Variants in CCDC88A observed in about 807,000 individuals in gnomAD.
CCDC88A encodes girdin.
In CCDC88A, 54 loss-of-function variants were observed where a neutral mutation model predicts 234.3. That is an observed-to-expected ratio of 0.23 (90% confidence interval 0.19 to 0.29). The LOEUF is 0.29. Among genes scored for constraint, CCDC88A ranks in the 10% least tolerant of loss-of-function variants. CCDC88A has a pLI of 1.00. For missense variants in CCDC88A, 1,832 were observed against 2,123.4 expected (o/e 0.86, Z 2.70); for synonymous variants, 753 against 737.8 (o/e 1.02, Z -0.33).
intron 7 of CCDC88A, among the ~76,000 whole-genome samples, chr2:55,358,025 CT>C (rs1404027905): frequency 3.3e-5 from 5 of 152,292 alleles, no homozygotes; most frequent in African/African-American, 9.6e-5. Flanking sequence ...CTCCTCCCCG[CT>C]TTTACTCAGT....
intron 2 of CCDC88A, among the ~76,000 whole-genome samples, chr2:55,416,279 T>A (rs1371186747): frequency 6.7e-6 from 1 of 149,792 alleles, no homozygotes; most frequent in Non-Finnish European, 1.5e-5. Context: ...GAAGAAAAAA[T>A]TAATAAATTT....
chr2:55,417,574 A>G (rs1395299110), intron 2 of CCDC88A: 2 of 152,026 alleles, frequency 1.3e-5, no homozygotes, highest in East Asian at 1.9e-4. Context: ...ATAAATATAT[A>G]CATATTTAGA....
intron 2 of CCDC88A, among the ~76,000 whole-genome samples, chr2:55,412,542 G>C (rs1181941357): frequency 6.6e-6 from 1 of 152,132 alleles, no homozygotes; most frequent in Non-Finnish European, 1.5e-5. Context: ...GTAGATGCGA[G>C]GGATCTAGGT....
Position 55,374,903 on chromosome 2 carries a change from AC to A in CCDC88A, c.274-21del, listed in dbSNP as rs1426998314. 6.6e-7 allele frequency: 1 copy of A among 1,510,884 alleles called. No individual in the cohort carries two copies. Among genetic ancestry groups the A allele is most frequent in the South Asian group, 1.1e-5 (1 of 87,746 alleles). 93.6% of individuals were successfully genotyped at this position (1,510,884 alleles called of 1,614,324 possible). A position where few individuals can be genotyped will look rare whatever the true frequency, so the allele number is the denominator to read the frequency against. On this transcript the variant is annotated intron_variant, in intron 3 of 32. Coordinates refer to ENST00000436346, the MANE Select transcript of CCDC88A (RefSeq NM_001365480.1). ...AGTCTCCTGTAAAAAAATATCCAAC[AC>A]TTGTTATATGGGTAATGCTAACTAG...
At chr2:55,291,604 T>A in intron 32 of CCDC88A, 72 bp downstream of exon 32, 1 of 620,714 alleles carries the variant, frequency 1.6e-6, no homozygotes, top group Non-Finnish European at 2.8e-6. Context: ...AATGTGCACT[T>A]GTTTCACACT....
At chr2:55,352,451 CAAAAAAACAA>C (rs1558724453) in intron 8 of CCDC88A, among the ~76,000 whole-genome samples, 1 of 150,068 alleles carries the variant, frequency 6.7e-6, no homozygotes, top group African/African-American at 2.5e-5. Flanking sequence ...CAAAAAAACA[CAAAAAAACAA>C]GAAATTGGTG....
chr2:55,327,422 T>C (rs1416825010), intron 17 of CCDC88A, among the ~76,000 whole-genome samples: 1 of 152,138 alleles, frequency 6.6e-6, no homozygotes, highest in Non-Finnish European at 1.5e-5. Flanking sequence ...CTGCTATGAG[T>C]ATACGGATTC....
chr2:55,342,957 C>T (rs1558704781), intron 12 of CCDC88A, among the ~76,000 whole-genome samples: 1 of 152,012 alleles, frequency 6.6e-6, no homozygotes, highest in Non-Finnish European at 1.5e-5. Flanking sequence ...TAAATGTGAC[C>T]TAACTGGTGA....
intron 3 of CCDC88A, among the ~76,000 whole-genome samples, chr2:55,380,016 G>C (rs904956303): frequency 7.2e-6 from 1 of 138,468 alleles, no homozygotes; most frequent in Non-Finnish European, 1.5e-5. Flanking sequence ...TTGAGGCCAG[G>C]AGTTCGAGAC....
chr2:55,337,795 G>T (rs1008535196), intron 13 of CCDC88A: 3 of 151,990 alleles, frequency 2.0e-5, no homozygotes, highest in Non-Finnish European at 4.4e-5. Flanking sequence ...AGCTGAGATC[G>T]CACCACTGCA....
At chr2:55,377,857 T>C (rs1416806589) in intron 3 of CCDC88A, among the ~76,000 whole-genome samples, 2 of 152,050 alleles carry the variant, frequency 1.3e-5, no homozygotes, top group Non-Finnish European at 2.9e-5. Context: ...CCGCCTGCCT[T>C]GGCCTCCCAA....
At chr2:55,411,134 T>A (rs886216914) in intron 2 of CCDC88A, among the ~76,000 whole-genome samples, 1 of 152,132 alleles carries the variant, frequency 6.6e-6, no homozygotes, top group Non-Finnish European at 1.5e-5. Flanking sequence ...GATGTCCCAG[T>A]ACCAAGTATA....
rs746079795 is a variant in CCDC88A at position 55,374,889 on chromosome 2, A to C, written c.274-6T>G. The C allele has an allele frequency of 1.3e-6, 2 of 1,589,996 alleles. No homozygotes were observed. The highest frequency in any genetic ancestry group is 2.2e-5 in the South Asian group (2 of 89,640). Reference sequence around the variant, plus strand: ...ATCAATTGCTGCAAAGTCTCCTGTAAAAAAATATCCAACACTTGTTATATG... The same window carrying C: ...ATCAATTGCTGCAAAGTCTCCTGTACAAAAATATCCAACACTTGTTATATG... On this transcript the variant is annotated splice_region_variant and splice_polypyrimidine_tract_variant and intron_variant, in intron 3 of 32. Coordinates refer to ENST00000436346, the MANE Select transcript of CCDC88A (RefSeq NM_001365480.1).
chr2:55,419,055 G>C lies in CCDC88A; in HGVS notation c.25C>G (p.Leu9Val), dbSNP rs1346096967. MENEIFTP[L>V]LEQFMTSPLV... ...GGGCTGGTCATGAACTGCTCCAGAAGGGGAGTAAAAATTTCGTTCTCCATT... is the reference window on the plus strand; with the variant it reads ...GGGCTGGTCATGAACTGCTCCAGAACGGGAGTAAAAATTTCGTTCTCCATT... Residue 9 changes from leucine to valine, a missense_variant, in exon 1 of 33, where the codon CTT becomes GTT. Physicochemically the swap from Leu to Val is conservative, Grantham distance 32. Coordinates refer to ENST00000436346, the MANE Select transcript of CCDC88A (RefSeq NM_001365480.1). 4 of 1,612,992 alleles carry C rather than the reference G, an allele frequency of 2.5e-6. No homozygotes were observed. Among genetic ancestry groups the C allele is most frequent in the South Asian group, 1.1e-5 (1 of 91,038 alleles).
intron 8 of CCDC88A, among the ~76,000 whole-genome samples, chr2:55,350,821 G>A (rs1460617743): frequency 6.6e-6 from 1 of 151,790 alleles, no homozygotes; most frequent in Non-Finnish European, 1.5e-5. Flanking sequence ...CACCACTTCT[G>A]GCTAATTTTT....
chr2:55,353,825 C>G (rs1670205186), intron 8 of CCDC88A, among the ~76,000 whole-genome samples: 1 of 152,208 alleles, frequency 6.6e-6, no homozygotes, highest in Non-Finnish European at 1.5e-5. Context: ...TAAGAAAATA[C>G]AATTTCATCA....
rs771631701 is a variant in CCDC88A at position 55,309,041 on chromosome 2, A to C, written c.4173-18T>G. On this transcript the variant is annotated intron_variant, in intron 24 of 32. Transcript: ENST00000436346. The surrounding 1 kb of genome is among the most constrained non-coding windows in gnomAD (Gnocchi z 5.1). ...TGCCTCTCCTAACAGAATTTTAAAA[A>C]TTGTTATCAGTTTAAAATTCAACAT... 6.3e-7 allele frequency: 1 copy of C among 1,580,120 alleles called. No individual in the cohort carries two copies. Among genetic ancestry groups the C allele is most frequent in the Admixed American group, 1.7e-5 (1 of 59,588 alleles).
intron 22 of CCDC88A, chr2:55,313,193 T>C (rs6545488): frequency 0.59 from 89,041 of 151,660 alleles, 26,819 homozygotes; most frequent in Admixed American, 0.66. Context: ...CTCAGCTTCC[T>C]GAGCAGCTGG....
At chr2:55,375,000 A>G in intron 3 of CCDC88A, 117 bp from the exon 4 acceptor site, 1 of 581,472 alleles carries the variant, frequency 1.7e-6, no homozygotes, top group Non-Finnish European at 3.1e-6. Context: ...GCAATTAAAC[A>G]AATATGGAAA....
Sources: allele counts gnomAD v4.1 joint callset (sites outside exome capture counted in the v4.1 genomes callset), GRCh38; gene constraint gnomAD v4.1.1; non-coding constraint Gnocchi (gnomAD v3.1); transcripts MANE v1.5; gene names NCBI Gene and HGNC (gene_info 2026-07-23, HGNC 2026-07-21).